Variants in IL17RB observed in about 807,000 individuals in gnomAD.
IL17RB encodes the protein interleukin-17 receptor B.
A neutral mutation model predicts 43.9 loss-of-function variants in IL17RB; 36 were observed. The observed-to-expected ratio is 0.82, with a 90% CI of 0.63 to 1.08. The LOEUF (loss-of-function observed/expected upper bound fraction) is 1.08. Among genes scored for constraint, IL17RB ranks in the 50% least tolerant of loss-of-function variants. The pLI, the probability that IL17RB is intolerant of heterozygous loss-of-function variation, is 0.00. For synonymous variants in IL17RB, 225 were observed against 225.4 expected (o/e 1.00, Z 0.02); for missense variants, 613 against 613.6 (o/e 1.00, Z 0.01).
intron 10 of IL17RB, among the ~76,000 whole-genome samples, chr3:53,861,732 T>C (rs371648876): frequency 6.6e-6 from 1 of 152,188 alleles, no homozygotes; most frequent in South Asian, 2.1e-4. Context: ...AAGCAGCTTC[T>C]GCTGACCAAG....
chr3:53,855,770 C>T (rs771314117), intron 6 of IL17RB, among the ~76,000 whole-genome samples: 1 of 152,126 alleles, frequency 6.6e-6, no homozygotes, highest in Non-Finnish European at 1.5e-5. Flanking sequence ...AGCAAACATT[C>T]GAGGTGGGAG....
chr3:53,863,617 C>A (rs1425782705), intron 10 of IL17RB, among the ~76,000 whole-genome samples: 2 of 152,110 alleles, frequency 1.3e-5, no homozygotes, highest in Non-Finnish European at 2.9e-5. Context: ...CCGTATAGGG[C>A]AGAATTCCAG....
chr3:53,849,029 G>A (rs541400722), intron 2 of IL17RB, among the ~76,000 whole-genome samples: 23 of 152,282 alleles, frequency 1.5e-4, no homozygotes, highest in Non-Finnish European at 2.9e-4. Context: ...ATAGGAGAGC[G>A]GGTGTTTGAG....
chr3:53,852,574 C>T lies in IL17RB; in HGVS notation c.355-297C>T, dbSNP rs113730451. Among the ~76,000 whole-genome samples the T allele has an allele frequency of 2.5e-3, 387 of 152,318 alleles. 3 individuals carry two copies. The highest frequency in any genetic ancestry group is 8.7e-3 in the African/African-American group (361 of 41,552). ...GAGCAAGATCCCTTGGTTCAAATCC[C>T]ATTTTCGGCTACTTCTCTGTTTTGT... On this transcript the variant is annotated intron_variant, in intron 4 of 10. Transcript: ENST00000288167.
At position 53,852,122 on chromosome 3, in the gene IL17RB, G is replaced by A. The variant is rs984147471; in HGVS notation, c.350G>A (p.Gly117Asp). The A allele has an allele frequency of 6.2e-7, 1 of 1,613,596 alleles. No homozygotes were observed. Among genetic ancestry groups the A allele is most frequent in the Non-Finnish European group, 8.5e-7 (1 of 1,179,780 alleles). ...CAGACTCAGACCAGACCCTCTGGTG[G>A]TAAAGTAAGCACTTTTTTGTTTTTT... ...AFQTQTRPSG[G>D]KWTFSYIGFP... Residue 117 changes from glycine (G) to aspartate (D), a missense_variant, in exon 4 of 11, where the codon GGT (glycine) becomes GAT (aspartate). By Grantham distance (94) the Gly-to-Asp change is moderately conservative (BLOSUM62 -1). Coordinates refer to ENST00000288167, the MANE Select transcript of IL17RB (RefSeq NM_018725.4).
chr3:53,856,022 C>A (rs1699322245), intron 6 of IL17RB, among the ~76,000 whole-genome samples: 1 of 152,218 alleles, frequency 6.6e-6, no homozygotes, highest in Non-Finnish European at 1.5e-5. Flanking sequence ...CCCTTCACTG[C>A]ACAAGGCATC....
chr3:53,850,304 C>T (rs554660517), intron 3 of IL17RB, among the ~76,000 whole-genome samples: 2 of 151,996 alleles, frequency 1.3e-5, no homozygotes, highest in South Asian at 4.2e-4. Flanking sequence ...CGAGACCAGC[C>T]TGGCCAACAT....
chr3:53,865,109 A>C lies in IL17RB; in HGVS notation c.1310A>C (p.Gln437Pro). The stretch of plus-strand genomic sequence containing the variant: ...CTTTTCTGCAGTGATCTAAGAAGCC[A>C]GATTCATCTGCACAAATACGTGGTG... ...FNLFCSDLRSQIHLHKYVVVY... is the reference protein window; with the variant it reads ...FNLFCSDLRSPIHLHKYVVVY... The change falls in exon 11 of 11, where the codon CAG (glutamine) becomes CCG (proline). Residue 437 changes from glutamine (Q) to proline (P), a missense_variant. Physicochemically the swap from Gln to Pro is moderately conservative, Grantham distance 76. Coordinates refer to ENST00000288167, the MANE Select transcript of IL17RB (RefSeq NM_018725.4). The C allele has an allele frequency of 6.2e-7, 1 of 1,614,162 alleles. No individual in the cohort carries two copies. The highest frequency in any genetic ancestry group is 8.5e-7 in the Non-Finnish European group (1 of 1,180,010).
chr3:53,847,427 T>C (rs766874646), intron 1 of IL17RB, among the ~76,000 whole-genome samples: 194 of 151,938 alleles, frequency 1.3e-3, no homozygotes, highest in African/African-American at 3.8e-3. Context: ...GGGTTGTTGC[T>C]TGGCCTCTCA....
rs1369413489 is a variant in IL17RB at position 53,847,851 on chromosome 3, A to G, written c.61-813A>G. Among the ~76,000 whole-genome samples, 14 of 152,326 alleles carry G rather than the reference A, an allele frequency of 9.2e-5. No individual in the cohort carries two copies. The East Asian group carries it at 2.7e-3, about 29-fold the overall frequency. On this transcript the variant is annotated intron_variant, in intron 1 of 10. Transcript: ENST00000288167. ...CTTAGAGTTCATTTTTTAAAAGACA[A>G]ATAAATGATTGACAATTTTGCCCAA...
chr3:53,859,978 C>T, intron 9 of IL17RB, 152 bp from the exon 10 acceptor site: 1 of 572,368 alleles, frequency 1.7e-6, no homozygotes. Context: ...CCACTGCACT[C>T]CAGCCTAGGC....
chr3:53,863,005 C>T (rs1259570747), intron 10 of IL17RB, among the ~76,000 whole-genome samples: 1 of 152,146 alleles, frequency 6.6e-6, no homozygotes, highest in African/African-American at 2.4e-5. Context: ...TCAGCCTACT[C>T]AACAAGATGA....
chr3:53,858,881 C>T, intron 9 of IL17RB, 63 bp downstream of exon 9: 2 of 1,297,214 alleles, frequency 1.5e-6, no homozygotes, highest in Non-Finnish European at 2.2e-6. Context: ...CTGCCCCCCA[C>T]TCAGTATGTG....
At position 53,852,019 on chromosome 3, in the gene IL17RB, G is replaced by A; in HGVS notation, c.247G>A (p.Ala83Thr). ...RADASIRLLK[A>T]TKICVTGKSN... ...GGCAGCCAGCATCCGCTTGTTGAAG[G>A]CCACCAAGATTTGTGTGACGGGCAA... is the stretch of plus-strand genomic sequence containing the variant. The change falls in exon 4 of 11, where the codon GCC becomes ACC. Residue 83 changes from alanine (A) to threonine (T), a missense_variant. Ala to Thr is a moderately conservative substitution (Grantham distance 58). Coordinates refer to ENST00000288167, the MANE Select transcript of IL17RB (RefSeq NM_018725.4). The A allele has an allele frequency of 6.2e-7, 1 of 1,614,120 alleles. No homozygotes were observed. The highest frequency in any genetic ancestry group is 8.5e-7 in the Non-Finnish European group (1 of 1,180,034).
At chr3:53,853,242 CA>C (rs1251348502) in intron 5 of IL17RB, among the ~76,000 whole-genome samples, 2 of 152,204 alleles carry the variant, frequency 1.3e-5, no homozygotes, top group African/African-American at 4.8e-5. Context: ...ACTTGATATG[CA>C]TCATCTCACT....
rs1025962450 is a variant in IL17RB, at chr3:53,858,609, A to G, written c.748-110A>G. 14 of 1,497,814 alleles carry G rather than the reference A, an allele frequency of 9.3e-6. 1 individual carries two copies. The African/African-American group carries it at 2.0e-4, about 21-fold the overall frequency. The allele number at this position is 1,497,814 out of a possible 1,614,324, so 92.8% of individuals were successfully genotyped here. On this transcript the variant is annotated intron_variant, in intron 8 of 10. Transcript: ENST00000288167. The stretch of plus-strand genomic sequence containing the variant: ...GGGAAAATGTGCATGACAACACTAG[A>G]GGTATGGGCGAAGCCAGAAAGAAGG...
intron 7 of IL17RB, 106 bp from the exon 8 acceptor site, chr3:53,857,510 A>C (rs9852243): frequency 1.1e-6 from 1 of 939,192 alleles, no homozygotes; most frequent in East Asian, 2.4e-5. Flanking sequence ...GTCTCAAAAT[A>C]CTGGGCTCAA....
chr3:53,853,798 A>G (rs1318439937), intron 5 of IL17RB, among the ~76,000 whole-genome samples: 1 of 152,182 alleles, frequency 6.6e-6, no homozygotes, highest in African/African-American at 2.4e-5. Context: ...GTGCTGCACC[A>G]TTTACTACAC....
intron 2 of IL17RB, 111 bp downstream of exon 2, chr3:53,848,799 C>G: frequency 8.7e-7 from 1 of 1,147,890 alleles, no homozygotes; most frequent in Non-Finnish European, 1.3e-6. Context: ...CAGGGTGACC[C>G]ATTGCTTTAT....
Sources: allele counts gnomAD v4.1 joint callset (sites outside exome capture counted in the v4.1 genomes callset), GRCh38; gene constraint gnomAD v4.1.1; transcripts MANE v1.5; gene names NCBI Gene and HGNC (gene_info 2026-07-23, HGNC 2026-07-21).